Variants in CACNA1B observed in about 807,000 individuals in gnomAD.
CACNA1B encodes the protein calcium voltage-gated channel subunit alpha1 B, also known as voltage-dependent N-type calcium channel subunit alpha-1B.
Under a neutral mutation model 247.2 loss-of-function variants are expected in CACNA1B, and 70 were observed. The ratio of observed to expected loss-of-function variants is 0.28; its 90% CI spans 0.23 to 0.35. The LOEUF (loss-of-function observed/expected upper bound fraction) is 0.35, where lower values mean the gene tolerates loss of function less well. Ranked by LOEUF, CACNA1B falls within the 10% of genes least tolerant of loss-of-function variation. The pLI is 1.00. For synonymous variants in CACNA1B, 1,231 were observed against 1,294.4 expected (o/e 0.95, Z 1.05); for missense variants, 2,367 against 3,197.4 (o/e 0.74, Z 6.26).
chr9:137,920,135 C>T lies in CACNA1B; in HGVS notation c.966+2704C>T, dbSNP rs999562697. Among the ~76,000 whole-genome samples the T allele has an allele frequency of 5.3e-5, 8 of 152,156 alleles. No homozygotes were observed. The East Asian group carries it at 5.8e-4, about 11-fold the overall frequency. ...CAACCAGCTGTGGCAGGCCAGCCAG[C>T]GAGAGTGGGTATTGTCATGGTGAAG... On this transcript the variant is annotated intron_variant, in intron 6 of 46. Coordinates refer to ENST00000371372, the MANE Select transcript of CACNA1B (RefSeq NM_000718.4).
chr9:137,971,673 C>A lies in CACNA1B; in HGVS notation c.1543+81C>A. On this transcript the variant is annotated intron_variant, in intron 11 of 46. Transcript: ENST00000371372. This position sits in a 1 kb window ranked among gnomAD's most constrained non-coding sequence, Gnocchi z 4.4. ...GGAAACCCTGGTCCATGCCCTGGGG[C>A]TACCCCAGGTGGGACGGGACCCACC... is the stretch of plus-strand genomic sequence containing the variant. The A allele has an allele frequency of 8.0e-7, 1 of 1,244,884 alleles. No homozygotes were observed. The highest frequency in any genetic ancestry group is 1.1e-6 in the Non-Finnish European group (1 of 874,726). 77.1% of individuals were successfully genotyped at this position (1,244,884 alleles called of 1,614,324 possible).
Position 137,917,547 on chromosome 9 carries a change from G to C in CACNA1B, c.966+116G>C. ...CCTCAGAGCCTCTGCCCAGCCCTAGGCTCCTCCCTGCACCCCTAGGATGAA... is the reference window on the plus strand; with the variant it reads ...CCTCAGAGCCTCTGCCCAGCCCTAGCCTCCTCCCTGCACCCCTAGGATGAA... On this transcript the variant is annotated intron_variant, in intron 6 of 46. Coordinates refer to ENST00000371372, the MANE Select transcript of CACNA1B (RefSeq NM_000718.4). The surrounding 1 kb of genome is among the most constrained non-coding windows in gnomAD (Gnocchi z 5.5). The C allele has an allele frequency of 1.2e-6, 1 of 847,928 alleles. No homozygotes were observed. The allele number at this position is 847,928 out of a possible 1,614,324, so 52.5% of individuals were successfully genotyped here. A position where few individuals can be genotyped will look rare whatever the true frequency, so the allele number is the denominator to read the frequency against.
In CACNA1B at chr9:138,025,282, A is replaced by T. The variant is rs958498965; in HGVS notation, c.3286+110A>T. ...CTGGGGACCCAGCCTACCTCTGTGA[A>T]TTGTTCTCCTGGCTGGAGAGAGAGT... On this transcript the variant is annotated intron_variant, in intron 20 of 46. Transcript: ENST00000371372. 8 of 698,876 alleles carry T rather than the reference A, an allele frequency of 1.1e-5. No homozygotes were observed. The African/African-American group carries it at 1.2e-4, about 11-fold the overall frequency. The allele number at this position is 698,876 out of a possible 1,614,324, so 43.3% of individuals were successfully genotyped here. A position where few individuals can be genotyped will look rare whatever the true frequency, so the allele number is the denominator to read the frequency against.
At position 138,120,856 on chromosome 9, in the gene CACNA1B, G is replaced by A; in HGVS notation, c.6464G>A (p.Gly2155Asp). 1.3e-6 allele frequency: 2 copies of A among 1,572,256 alleles called. No homozygotes were observed. The highest frequency in any genetic ancestry group is 1.7e-6 in the Non-Finnish European group (2 of 1,159,182). The change falls in exon 46 of 47, where the codon GGC (glycine) becomes GAC (aspartate). Residue 2155 changes from glycine to aspartate, a missense_variant. By Grantham distance (94) the Gly-to-Asp change is moderately conservative. This residue lies in a region of CACNA1B where 773 missense variants were observed against 779.4 expected (regional missense o/e 0.99). Transcript: ENST00000371372. ...LSSHPTSPTA[G>D]QEPGPHPQGS... ...AGCCACCCAACGTCGCCAACAGCTG[G>A]CCAGGAGCCGGGACCCCACCCACAG... is the stretch of plus-strand genomic sequence containing the variant.
chr9:138,055,349 C>G (rs1028966792), intron 26 of CACNA1B, among the ~76,000 whole-genome samples: 1 of 151,996 alleles, frequency 6.6e-6, no homozygotes, highest in Non-Finnish European at 1.5e-5. Context: ...AAGCTGGTCT[C>G]GAGCTCCTGG....
At position 137,877,832 on chromosome 9, in the gene CACNA1B, G is replaced by C. The variant is rs1014526873; in HGVS notation, c.-102G>C. 3.6e-5 allele frequency: 23 copies of C among 633,458 alleles called. 1 individual carries two copies. In the Middle Eastern group the frequency reaches 3.1e-3, roughly 86 times the overall value. 39.2% of individuals were successfully genotyped at this position (633,458 alleles called of 1,614,324 possible). ...GTGGGGCCGGGCGAGGTCCGCTGCG[G>C]TCCCGGCGGCTCCGTGGCTGCTCCG... On this transcript the variant is annotated 5_prime_UTR_variant, in exon 1 of 47. Transcript: ENST00000371372.
chr9:137,908,548 C>G (rs1335128932), intron 3 of CACNA1B, among the ~76,000 whole-genome samples: 1 of 152,034 alleles, frequency 6.6e-6, no homozygotes, highest in Non-Finnish European at 1.5e-5. Flanking sequence ...CAAAAAAAAC[C>G]TTTAAGATAT....
At chr9:138,044,547 C>G (rs1051751506) in intron 21 of CACNA1B, among the ~76,000 whole-genome samples, 2 of 152,208 alleles carry the variant, frequency 1.3e-5, no homozygotes, top group Non-Finnish European at 2.9e-5. Context: ...CATGGAGATG[C>G]GGACCATTGG....
At chr9:137,926,128 G>A (rs1342904917) in intron 6 of CACNA1B, among the ~76,000 whole-genome samples, 2 of 147,412 alleles carry the variant, frequency 1.4e-5, no homozygotes, top group Non-Finnish European at 3.0e-5. Context: ...GAGTATAGTG[G>A]CACTATCTTG....
intron 15 of CACNA1B, among the ~76,000 whole-genome samples, chr9:137,988,896 G>C (rs1211994967): frequency 2.0e-5 from 3 of 152,192 alleles, no homozygotes; most frequent in Non-Finnish European, 2.9e-5. Flanking sequence ...AATTCCCACA[G>C]GTGAATCTGG....
chr9:137,882,707 G>A lies in CACNA1B; in HGVS notation c.391-37G>A. On this transcript the variant is annotated intron_variant, in intron 2 of 46. Coordinates refer to ENST00000371372, the MANE Select transcript of CACNA1B (RefSeq NM_000718.4). The surrounding 1 kb of genome is among the most constrained non-coding windows in gnomAD (Gnocchi z 4.0). ...TCTCTGCCCGCTACTACACCGGGTA[G>A]GGGCCAGGGGTGACCACTGTTCTGC... The A allele has an allele frequency of 6.2e-7, 1 of 1,612,142 alleles. No homozygotes were observed.
intron 15 of CACNA1B, among the ~76,000 whole-genome samples, chr9:138,000,200 G>C (rs146312212): frequency 2.0e-5 from 3 of 151,390 alleles, no homozygotes; most frequent in Admixed American, 6.6e-5. Flanking sequence ...CCGGGTTCAC[G>C]CCATTCTCCT....
intron 10 of CACNA1B, among the ~76,000 whole-genome samples, chr9:137,959,940 G>A (rs1957991340): frequency 6.6e-6 from 1 of 152,202 alleles, no homozygotes; most frequent in Non-Finnish European, 1.5e-5. Flanking sequence ...AGGCAGGAGT[G>A]GAAGCGTGTG....
chr9:137,911,826 C>T (rs895805541), intron 3 of CACNA1B, among the ~76,000 whole-genome samples: 1 of 152,174 alleles, frequency 6.6e-6, no homozygotes, highest in Non-Finnish European at 1.5e-5. Flanking sequence ...CCTGGATGCG[C>T]GTTAGAGGCA....
In CACNA1B at chr9:138,073,923, A is replaced by G. The variant is rs114110102; in HGVS notation, c.4792-78A>G. 4,407 of 1,177,570 alleles carry G rather than the reference A, an allele frequency of 3.7e-3. 117 individuals are homozygous for G. In the African/African-American group the frequency reaches 0.058, roughly 16 times the overall value. 72.9% of individuals were successfully genotyped at this position (1,177,570 alleles called of 1,614,324 possible). On this transcript the variant is annotated intron_variant, in intron 33 of 46. Transcript: ENST00000371372. The surrounding 1 kb of genome is among the most constrained non-coding windows in gnomAD (Gnocchi z 6.4). ...TAGGCTGAGGTCTGTGTGACCTCAA[A>G]GGCCCAGCCACCGTAGCAGGAGGCC...
intron 37 of CACNA1B, among the ~76,000 whole-genome samples, chr9:138,097,712 C>G (rs929884899): frequency 2.0e-5 from 3 of 152,170 alleles, no homozygotes; most frequent in African/African-American, 7.2e-5. Context: ...CAGGCCCCCT[C>G]GCACTCCTCT....
chr9:138,120,533 C>G, intron 45 of CACNA1B, 98 bp from the exon 46 acceptor site: 2 of 1,408,666 alleles, frequency 1.4e-6, no homozygotes, highest in Non-Finnish European at 1.9e-6. Context: ...TCACCCTAGC[C>G]TCCCCTGGCA....
chr9:138,101,316 C>T (rs1961243890), intron 37 of CACNA1B: 1 of 452,102 alleles, frequency 2.2e-6, no homozygotes, highest in Non-Finnish European at 4.5e-6. Flanking sequence ...TCCTGTCCTG[C>T]CCCGCACTCC....
chr9:138,003,157 G>A (rs1381714759), intron 15 of CACNA1B, among the ~76,000 whole-genome samples: 1 of 146,506 alleles, frequency 6.8e-6, no homozygotes, highest in Non-Finnish European at 1.5e-5. Context: ...TCCAGCCTTG[G>A]CAATAGAGCA....
Sources: gnomAD v4.1 joint callset for allele counts (sites outside exome capture counted in the v4.1 genomes callset) on GRCh38, gnomAD v4.1.1 for gene constraint, gnomAD v4.1.1 regional missense constraint, Gnocchi (gnomAD v3.1) non-coding constraint, MANE v1.5 for transcripts, NCBI Gene and HGNC (gene_info 2026-07-23, HGNC 2026-07-21) for gene names.